Variants in GNG2 observed in about 807,000 individuals in gnomAD.
GNG2 encodes guanine nucleotide-binding protein G(I)/G(S)/G(O) subunit gamma-2.
GNG2 carries 5 observed loss-of-function variants against 5.5 expected under a neutral mutation model. That is an observed-to-expected ratio of 0.91 (90% CI 0.48 to 1.92). The LOEUF (loss-of-function observed/expected upper bound fraction) is 1.92. Ranked by LOEUF, GNG2 falls within the 30% of genes most tolerant of loss-of-function variation. GNG2 has a pLI of 0.01. For synonymous variants in GNG2, 28 were observed against 32.0 expected (o/e 0.88, Z 0.42); for missense variants, 55 against 88.4 (o/e 0.62, Z 1.52).
intron 2 of GNG2, among the ~76,000 whole-genome samples, chr14:51,916,761 G>A (rs1886670009): frequency 6.6e-6 from 1 of 152,192 alleles, no homozygotes; most frequent in South Asian, 2.1e-4. Flanking sequence ...AGTGGATAGT[G>A]TGAGGGTTCC....
intron 2 of GNG2, among the ~76,000 whole-genome samples, chr14:51,945,325 A>G (rs1267728479): frequency 6.6e-6 from 1 of 152,218 alleles, no homozygotes; most frequent in African/African-American, 2.4e-5. Flanking sequence ...AATGTGGTAT[A>G]TACATACAAT....
intron 1 of GNG2, among the ~76,000 whole-genome samples, chr14:51,827,327 C>A (rs922586426): frequency 2.0e-5 from 3 of 152,210 alleles, no homozygotes; most frequent in Admixed American, 2.0e-4. Context: ...GTATCAATAT[C>A]ACCTGGGAAC....
chr14:51,856,305 T>A (rs1452158848), upstream of GNG2, among the ~76,000 whole-genome samples: 1 of 152,206 alleles, frequency 6.6e-6, no homozygotes, highest in Non-Finnish European at 1.5e-5. Flanking sequence ...CTGGGACAGT[T>A]GGAATGTGGC....
chr14:51,937,443 T>C (rs1888075139), intron 2 of GNG2, among the ~76,000 whole-genome samples: 1 of 152,160 alleles, frequency 6.6e-6, no homozygotes, highest in African/African-American at 2.4e-5. Flanking sequence ...CTTCCCTGCA[T>C]GATATCAGAC....
At chr14:51,962,034 A>G (rs1043756913) in intron 3 of GNG2, among the ~76,000 whole-genome samples, 1 of 152,190 alleles carries the variant, frequency 6.6e-6, no homozygotes, top group Non-Finnish European at 1.5e-5. Context: ...AGTTATGAAC[A>G]CAGGAAATCA....
At chr14:51,832,637 G>A (rs1299849872) in intron 2 of GNG2, among the ~76,000 whole-genome samples, 1 of 152,192 alleles carries the variant, frequency 6.6e-6, no homozygotes. Context: ...AGTTTCCATT[G>A]AGGGTTCTCT....
intron 2 of GNG2, among the ~76,000 whole-genome samples, chr14:51,948,903 C>T (rs1888799051): frequency 6.6e-6 from 1 of 151,916 alleles, no homozygotes; most frequent in South Asian, 2.1e-4. Flanking sequence ...GGGCGGATCA[C>T]GAGGTCAGGA....
chr14:51,873,914 T>G (rs549111909), intron 1 of GNG2: 1 of 152,328 alleles, frequency 6.6e-6, no homozygotes, highest in East Asian at 1.9e-4. Context: ...AGTCATCTTG[T>G]AATGCAGGCC....
intron 2 of GNG2, chr14:51,917,277 C>G: frequency 2.2e-6 from 1 of 447,112 alleles, no homozygotes; most frequent in Non-Finnish European, 4.5e-6. Flanking sequence ...CAGTGAATCC[C>G]AGCCGCTGCC....
intron 2 of GNG2, among the ~76,000 whole-genome samples, chr14:51,843,577 TA>T (rs1007911178): frequency 3.8e-4 from 10 of 26,038 alleles, no homozygotes; most frequent in Admixed American, 6.5e-4. Context: ...AACTTAAAGT[TA>T]AAAAAAAAAA....
chr14:51,883,269 C>T (rs184489655), intron 2 of GNG2, among the ~76,000 whole-genome samples: 54 of 152,274 alleles, frequency 3.5e-4, no homozygotes, highest in African/African-American at 8.2e-4. Context: ...ACCATTTTAA[C>T]CTTTCTGCAG....
At chr14:51,951,123 T>C (rs1888952612) in intron 3 of GNG2, among the ~76,000 whole-genome samples, 1 of 152,222 alleles carries the variant, frequency 6.6e-6, no homozygotes, top group South Asian at 2.1e-4. Context: ...ATTTTTTCTG[T>C]CCTGGTTCAG....
chr14:51,893,817 G>T (rs888413445), intron 2 of GNG2, among the ~76,000 whole-genome samples: 1 of 152,040 alleles, frequency 6.6e-6, no homozygotes, highest in Non-Finnish European at 1.5e-5. Flanking sequence ...CCAACTCCAT[G>T]ACATCATTTA....
chr14:51,888,897 G>C (rs769064749), intron 2 of GNG2, among the ~76,000 whole-genome samples: 1 of 152,076 alleles, frequency 6.6e-6, no homozygotes, highest in Non-Finnish European at 1.5e-5. Flanking sequence ...AAAGGAACAA[G>C]GTACTGATAC....
chr14:51,943,705 T>TC (rs1888478230), intron 2 of GNG2, among the ~76,000 whole-genome samples: 1 of 152,140 alleles, frequency 6.6e-6, no homozygotes, highest in African/African-American at 2.4e-5. Context: ...CCATTAACAG[T>TC]AGCATCAAAA....
At chr14:51,877,209 T>C (rs1883736210) in intron 1 of GNG2, among the ~76,000 whole-genome samples, 2 of 151,912 alleles carry the variant, frequency 1.3e-5, no homozygotes, top group African/African-American at 4.8e-5. Flanking sequence ...GGAGCAAGAG[T>C]GTGTTGGTCT....
At position 51,950,631 on chromosome 14, in the gene GNG2, T is replaced by G. The variant is rs765442953; in HGVS notation, c.-29-19T>G. The G allele has an allele frequency of 1.4e-6, 2 of 1,422,644 alleles. No homozygotes were observed. The highest frequency in any genetic ancestry group is 2.3e-5 in the South Asian group (2 of 85,152). 88.1% of individuals were successfully genotyped at this position (1,422,644 alleles called of 1,614,324 possible). Reference sequence around the variant, plus strand: ...TCATGAATTCTCTGGTACAATCTTCTTTTTGTTTTCTTTTCTAGTGTTTCT... The same window carrying G: ...TCATGAATTCTCTGGTACAATCTTCGTTTTGTTTTCTTTTCTAGTGTTTCT... On this transcript the variant is annotated intron_variant, in intron 2 of 3. Coordinates refer to ENST00000556766, the MANE Select transcript of GNG2 (RefSeq NM_053064.5).
At chr14:51,848,093 G>A (rs986648902) in intron 2 of GNG2, among the ~76,000 whole-genome samples, 1 of 151,788 alleles carries the variant, frequency 6.6e-6, no homozygotes, top group Non-Finnish European at 1.5e-5. Flanking sequence ...TCACTTTGGA[G>A]TCTTCCTCAC....
rs189919005 is a variant in GNG2 at position 51,966,967 on chromosome 14, C to A, written c.*280C>A. ...TTCTTTTCTGCTATCCCCCAGCCCCCCCCCCAAAATCCTCATGTTTCTGCT... is the reference window on the plus strand; with the variant it reads ...TTCTTTTCTGCTATCCCCCAGCCCCACCCCCAAAATCCTCATGTTTCTGCT... On this transcript the variant is annotated 3_prime_UTR_variant, in exon 4 of 4. Transcript: ENST00000556766. The A allele has an allele frequency of 5.7e-6, 1 of 176,608 alleles. No individual in the cohort carries two copies. Among genetic ancestry groups the A allele is most frequent in the Admixed American group, 6.4e-5 (1 of 15,556 alleles). 10.9% of individuals were successfully genotyped at this position (176,608 alleles called of 1,614,324 possible).
Sources: gnomAD v4.1 joint callset for allele counts (sites outside exome capture counted in the v4.1 genomes callset) on GRCh38, gnomAD v4.1.1 for gene constraint, MANE v1.5 for transcripts, NCBI Gene and HGNC (gene_info 2026-07-23, HGNC 2026-07-21) for gene names.